NCOR2: variants seen among roughly 807,000 people sequenced by gnomAD.
The protein encoded by NCOR2 is CTG repeat protein 26.
In NCOR2, 81 loss-of-function variants were observed where a neutral mutation model predicts 262.9. The ratio of observed to expected loss-of-function variants is 0.31; its 90% confidence interval spans 0.26 to 0.37. The LOEUF (loss-of-function observed/expected upper bound fraction) is 0.37, where lower values mean the gene tolerates loss of function less well. Ranked by LOEUF, NCOR2 falls within the 10% of genes least tolerant of loss-of-function variation. The probability of loss-of-function intolerance (pLI) is 1.00; values close to 1 mark genes in which losing one functional copy is unlikely to be tolerated. For synonymous variants in NCOR2, 1,659 were observed against 1,559.3 expected (o/e 1.06, Z -1.51); for missense variants, 3,385 against 3,621.4 (o/e 0.93, Z 1.68).
At chr12:124,547,673 C>T (rs905755864) in intron 1 of NCOR2, among the ~76,000 whole-genome samples, 12 of 152,174 alleles carry the variant, frequency 7.9e-5, no homozygotes, top group African/African-American at 2.9e-4. Context: ...CCCCAGGTCC[C>T]CTCCTTCCAG....
rs1194631245 is a variant in NCOR2, at chr12:124,432,792, T to TC, written c.883-2006dup. Among the ~76,000 whole-genome samples the TC allele has an allele frequency of 1.5e-5, 2 of 129,928 alleles. No individual in the cohort carries two copies. Among genetic ancestry groups the TC allele is most frequent in the East Asian group, 4.8e-4 (2 of 4,148 alleles). 85.2% of individuals were successfully genotyped at this position (129,928 alleles called of 152,430 possible). On this transcript the variant is annotated intron_variant, in intron 8 of 46. Transcript: ENST00000405201. This position sits in a 1 kb window ranked among gnomAD's most constrained non-coding sequence, Gnocchi z 5.1. Reference sequence around the variant, plus strand: ...CTGCTGCATGTCCTTTGAGAAGAGATCCCCAATCAGCCCAGAGCATAGCTG... The same window carrying TC: ...CTGCTGCATGTCCTTTGAGAAGAGATCCCCCAATCAGCCCAGAGCATAGCTG...
chr12:124,351,872 G>A (rs2037502085), intron 27 of NCOR2, among the ~76,000 whole-genome samples: 1 of 152,162 alleles, frequency 6.6e-6, no homozygotes, highest in Admixed American at 6.5e-5. Flanking sequence ...CAACGGTAAA[G>A]GTCCTACTAT....
chr12:124,485,654 C>T (rs1396277994), intron 2 of NCOR2, among the ~76,000 whole-genome samples: 1 of 152,192 alleles, frequency 6.6e-6, no homozygotes, highest in Admixed American at 6.5e-5. Context: ...CACCTGAGTT[C>T]ACCAGCCCCG....
chr12:124,370,689 C>T (rs895900095), intron 20 of NCOR2, among the ~76,000 whole-genome samples: 3 of 152,208 alleles, frequency 2.0e-5, no homozygotes, highest in African/African-American at 7.2e-5. Context: ...GGGCTGGAGG[C>T]CTTGAGGCCC....
At chr12:124,480,929 GGGTGAGGGGCGGCTGGGA>G (rs1320684447) in intron 3 of NCOR2, among the ~76,000 whole-genome samples, 1 of 151,222 alleles carries the variant, frequency 6.6e-6, no homozygotes, top group Non-Finnish European at 1.5e-5. Flanking sequence ...CAGAACCCAT[GGGTGAGGGGCGGCTGGGA>G]GGTGAGGGGG....
chr12:124,462,829 A>G (rs1408050263), intron 5 of NCOR2, among the ~76,000 whole-genome samples: 1 of 152,164 alleles, frequency 6.6e-6, no homozygotes, highest in Non-Finnish European at 1.5e-5. Flanking sequence ...TCCCGATCAC[A>G]CTGTGCACAC....
intron 37 of NCOR2, 58 bp from the exon 40 acceptor site, chr12:124,337,238 C>T (rs766979630): frequency 2.0e-6 from 3 of 1,520,604 alleles, no homozygotes; most frequent in South Asian, 2.4e-5. Flanking sequence ...TCCTCCACCA[C>T]CCTCGATGAG....
intron 44 of NCOR2, among the ~76,000 whole-genome samples, chr12:124,328,159 A>G (rs1013075832): frequency 1.3e-5 from 2 of 151,132 alleles, no homozygotes; most frequent in African/African-American, 4.9e-5. Flanking sequence ...ACTGAGAGAG[A>G]GAAGGTGACC....
chr12:124,333,123 G>A lies in NCOR2; in HGVS notation c.6755+7C>T. The stretch of plus-strand genomic sequence containing the variant: ...CCCGGGGGCAGCGCATGTGCCCACA[G>A]AAGTACCTGGGCTCCGTCTGTTCCC... On this transcript the variant is annotated splice_region_variant and intron_variant, in intron 42 of 46. Transcript: ENST00000405201. The A allele has an allele frequency of 6.3e-7, 1 of 1,596,320 alleles. No homozygotes were observed. The highest frequency in any genetic ancestry group is 8.5e-7 in the Non-Finnish European group (1 of 1,169,844).
rs2047446906 is a variant in NCOR2 at position 124,481,100 on chromosome 12, G to A, written c.411+2496C>T. Among the ~76,000 whole-genome samples the A allele has an allele frequency of 6.6e-6, 1 of 151,836 alleles. No individual in the cohort carries two copies. Among genetic ancestry groups the A allele is most frequent in the Non-Finnish European group, 1.5e-5 (1 of 67,916 alleles). ...AGATGGCAGGAGCTGAGGAAGCAGG[G>A]GGTGAAGGGGAGTGAGCAGGACAGG... On this transcript the variant is annotated intron_variant, in intron 3 of 46. Transcript: ENST00000405201. This position sits in a 1 kb window ranked among gnomAD's most constrained non-coding sequence, Gnocchi z 4.6.
intron 32 of NCOR2, among the ~76,000 whole-genome samples, chr12:124,343,752 G>A (rs535909664): frequency 1.3e-5 from 2 of 151,914 alleles, no homozygotes; most frequent in Admixed American, 6.6e-5. Flanking sequence ...TCAGCCTCCC[G>A]AGTAGCTGGG....
intron 12 of NCOR2, among the ~76,000 whole-genome samples, chr12:124,421,807 G>A (rs2043217637): frequency 6.6e-6 from 1 of 152,220 alleles, no homozygotes; most frequent in Non-Finnish European, 1.5e-5. Context: ...TCTCCCACCT[G>A]CAGCCTCTCC....
chr12:124,513,551 T>C (rs1160703411), intron 1 of NCOR2: 1 of 152,202 alleles, frequency 6.6e-6, no homozygotes, highest in Non-Finnish European at 1.5e-5. Flanking sequence ...AAGAAGCAAC[T>C]GCCTTGGAAA....
At chr12:124,381,053 G>C (rs1172510180) in intron 17 of NCOR2, among the ~76,000 whole-genome samples, 1 of 152,074 alleles carries the variant, frequency 6.6e-6, no homozygotes, top group Non-Finnish European at 1.5e-5. Flanking sequence ...GCAAATCAGC[G>C]CATGCCACCC....
rs11834666 is a variant in NCOR2 at position 124,365,659 on chromosome 12, C to T, written c.2808-1860G>A. Among the ~76,000 whole-genome samples, 1,485 of 152,258 alleles carry T rather than the reference C, an allele frequency of 9.8e-3. 14 individuals are homozygous for T. The highest frequency in any genetic ancestry group is 0.033 in the African/African-American group (1,387 of 41,542). ...CCATGGCGCACAGACGGGGGCCAGA[C>T]GAGGAAGGTCACCCTGACTTCTGCA... On this transcript the variant is annotated intron_variant, in intron 20 of 46. Transcript: ENST00000405201.
In NCOR2 at chr12:124,460,714, G is replaced by A. The variant is rs74318624; in HGVS notation, c.706-3552C>T. 2.5e-3 allele frequency among the ~76,000 whole-genome samples: 382 copies of A among 152,292 alleles called. 2 individuals are homozygous for A. Among genetic ancestry groups the A allele is most frequent in the African/African-American group, 8.9e-3 (368 of 41,558 alleles). On this transcript the variant is annotated intron_variant, in intron 5 of 46. Coordinates refer to ENST00000405201, the Ensembl canonical transcript of NCOR2. ...TTTACAGATGGGGAAACTGAGGCTCGGAGAGGACACTTGGATAGGAGGTCA... is the reference window on the plus strand; with the variant it reads ...TTTACAGATGGGGAAACTGAGGCTCAGAGAGGACACTTGGATAGGAGGTCA...
At chr12:124,356,503 C>T in intron 23 of NCOR2, 139 bp downstream of exon 25, 1 of 769,088 alleles carries the variant, frequency 1.3e-6, no homozygotes. Flanking sequence ...CCCTTTCCCT[C>T]CACTGACCAG....
intron 1 of NCOR2, among the ~76,000 whole-genome samples, chr12:124,512,408 T>G (rs909856909): frequency 6.6e-6 from 1 of 152,234 alleles, no homozygotes; most frequent in African/African-American, 2.4e-5. Context: ...GTTCATGTAG[T>G]CTTGCTCTCT....
chr12:124,333,954 G>GTGTGTGTGCGGGTGCGCA (rs1491100989), intron 41 of NCOR2, among the ~76,000 whole-genome samples: 2 of 120,170 alleles, frequency 1.7e-5, no homozygotes, highest in Non-Finnish European at 3.3e-5. Context: ...GGGTGTGCAC[G>GTGTGTGTGCGGGTGCGCA]TGTGTGTGTG....
Sources: gnomAD v4.1 joint callset for allele counts (sites outside exome capture counted in the v4.1 genomes callset) on GRCh38, gnomAD v4.1.1 for gene constraint, Gnocchi (gnomAD v3.1) non-coding constraint, MANE v1.5 for transcripts, NCBI Gene and HGNC (gene_info 2026-07-23, HGNC 2026-07-21) for gene names.